PTPRZ1: variants seen among roughly 807,000 people sequenced by gnomAD.
PTPRZ1 encodes receptor-type tyrosine-protein phosphatase zeta.
Under a neutral mutation model 214.1 loss-of-function variants are expected in PTPRZ1, and 82 were observed. The observed-to-expected ratio is 0.38, with a 90% confidence interval of 0.32 to 0.46. The LOEUF is 0.46. Among genes scored for constraint, PTPRZ1 ranks in the 20% least tolerant of loss-of-function variants. PTPRZ1 has a pLI of 1.00. For missense variants in PTPRZ1, 2,603 were observed against 2,748.7 expected (o/e 0.95, Z 1.19); for synonymous variants, 945 against 987.9 (o/e 0.96, Z 0.81).
At chr7:121,988,579 C>G (rs1797841450) in intron 8 of PTPRZ1, among the ~76,000 whole-genome samples, 1 of 152,148 alleles carries the variant, frequency 6.6e-6, no homozygotes, top group Non-Finnish European at 1.5e-5. Context: ...TGTTTATGTG[C>G]ATGCCTTAGT....
chr7:122,030,998 A>C (rs1799351743), intron 14 of PTPRZ1, among the ~76,000 whole-genome samples: 1 of 152,022 alleles, frequency 6.6e-6, no homozygotes, highest in South Asian at 2.1e-4. Context: ...ATGTTTTCAA[A>C]TGTAAACATC....
intron 1 of PTPRZ1, 148 bp from the exon 2 acceptor site, chr7:121,928,008 G>A: frequency 1.6e-6 from 1 of 641,986 alleles, no homozygotes; most frequent in South Asian, 1.9e-5. Flanking sequence ...TAATATAATG[G>A]TGGTGGTTGA....
intron 2 of PTPRZ1, among the ~76,000 whole-genome samples, chr7:121,952,505 G>C (rs946045129): frequency 6.6e-6 from 1 of 152,050 alleles, no homozygotes; most frequent in African/African-American, 2.4e-5. Flanking sequence ...AGAATCACTT[G>C]AGCCCAGGAG....
intron 8 of PTPRZ1, among the ~76,000 whole-genome samples, chr7:121,990,249 C>T (rs560175752): frequency 6.1e-4 from 92 of 152,038 alleles, no homozygotes; most frequent in Middle Eastern, 6.8e-3. Context: ...TATAAATAAT[C>T]GCAAAAACCA....
At position 122,011,484 on chromosome 7, in the gene PTPRZ1, C is replaced by T. The variant is rs939966321; in HGVS notation, c.2438C>T (p.Ser813Phe). ...VDVSFESILSSYDGAPLLPFS... is the reference protein window; with the variant it reads ...VDVSFESILSFYDGAPLLPFS... Reference sequence around the variant, plus strand: ...GTGTCATTTGAATCCATCCTGTCTTCCTATGATGGTGCACCTTTGCTTCCA... The same window carrying T: ...GTGTCATTTGAATCCATCCTGTCTTTCTATGATGGTGCACCTTTGCTTCCA... Residue 813 changes from serine (S) to phenylalanine (F), a missense_variant, in exon 12 of 30, where the codon TCC becomes TTC. Ser to Phe is a radical substitution (Grantham distance 155). Around this residue, in one of 6 missense-constraint regions of PTPRZ1, gnomAD observed 1,913 missense variants for 1,914.3 expected, o/e 1.00. Transcript: ENST00000393386. The T allele has an allele frequency of 6.2e-7, 1 of 1,613,926 alleles. No homozygotes were observed. The highest frequency in any genetic ancestry group is 2.2e-5 in the East Asian group (1 of 44,870).
intron 1 of PTPRZ1, among the ~76,000 whole-genome samples, chr7:121,896,601 G>C (rs370163569): frequency 6.6e-6 from 1 of 151,838 alleles, no homozygotes; most frequent in Non-Finnish European, 1.5e-5. Context: ...GTGAAACCCC[G>C]CCTCTACTAA....
intron 1 of PTPRZ1, among the ~76,000 whole-genome samples, chr7:121,927,277 A>G (rs1356781321): frequency 6.6e-6 from 1 of 152,230 alleles, no homozygotes; most frequent in Non-Finnish European, 1.5e-5. Flanking sequence ...CTATCCTGCA[A>G]AGATTTATTT....
chr7:122,007,622 C>A (rs182430155), intron 11 of PTPRZ1, among the ~76,000 whole-genome samples: 1 of 152,166 alleles, frequency 6.6e-6, no homozygotes, highest in East Asian at 1.9e-4. Flanking sequence ...TTCATAATGA[C>A]TTTTAATCCC....
In PTPRZ1 at chr7:121,874,795, C is replaced by CT. The variant is rs552385010; in HGVS notation, c.58+1239dup. 9.9e-5 allele frequency among the ~76,000 whole-genome samples: 15 copies of CT among 152,264 alleles called. No homozygotes were observed. The South Asian group carries it at 3.1e-3, about 32-fold the overall frequency. On this transcript the variant is annotated intron_variant, in intron 1 of 29. Transcript: ENST00000393386. ...ACACATAAGACATGCAAGGGAATCT[C>CT]TGGTCTCCATTGATTCTAAAACCTT...
At chr7:121,962,574 A>AT (rs200388655) in intron 2 of PTPRZ1, among the ~76,000 whole-genome samples, 124 of 148,238 alleles carry the variant, frequency 8.4e-4, no homozygotes, top group African/African-American at 2.7e-3. Context: ...CCTGTGCACA[A>AT]TTTTTTTTTT....
intron 19 of PTPRZ1, among the ~76,000 whole-genome samples, 158 bp downstream of exon 19, chr7:122,039,047 G>T (rs942869201): frequency 7.2e-5 from 11 of 152,194 alleles, no homozygotes; most frequent in Admixed American, 7.2e-4. Flanking sequence ...TGTTAATACT[G>T]TTAGTCAAAA....
chr7:122,017,546 T>TATTTATTC (rs902786577), intron 12 of PTPRZ1, among the ~76,000 whole-genome samples: 1 of 146,064 alleles, frequency 6.8e-6, no homozygotes, highest in African/African-American at 2.6e-5. Flanking sequence ...TACATTTATT[T>TATTTATTC]ATTTATTTAT....
At position 121,911,439 on chromosome 7, in the gene PTPRZ1, T is replaced by G. The variant is rs182413349; in HGVS notation, c.59-16717T>G. Among the ~76,000 whole-genome samples the G allele has an allele frequency of 7.9e-5, 12 of 152,256 alleles. No individual in the cohort carries two copies. In the East Asian group the frequency reaches 2.3e-3, roughly 29 times the overall value. On this transcript the variant is annotated intron_variant, in intron 1 of 29. Transcript: ENST00000393386. ...TTTTGTGAAATAAAGTCCTTTTTTC[T>G]TGTCTCAGTAGTCATAACTAGTTAC...
rs151100277 is a variant in PTPRZ1 at position 121,996,509 on chromosome 7, G to A, written c.1056G>A (p.Gln352=). The part of the protein sequence containing the change: ...MIEKFAVLYQ[Q]LDGEDQTKHE... ...AGAAGTTTGCAGTTTTGTACCAGCA[G>A]TTGGATGGAGAGGACCAAACCAAGC... Residue 352 remains glutamine (Q), a synonymous_variant, in exon 9 of 30, where the codon CAG becomes CAA. Coordinates refer to ENST00000393386, the MANE Select transcript of PTPRZ1 (RefSeq NM_002851.3). 42 of 1,609,552 alleles carry A rather than the reference G, an allele frequency of 2.6e-5. No individual in the cohort carries two copies. The African/African-American group carries it at 3.9e-4, about 15-fold the overall frequency.
Position 122,011,463 on chromosome 7 carries a change from C to T in PTPRZ1, c.2417C>T (p.Ser806Leu). Residue 806 changes from serine (S) to leucine (L), a missense_variant, in exon 12 of 30, where the codon TCA (serine) becomes TTA (leucine). Coordinates refer to ENST00000393386, the MANE Select transcript of PTPRZ1 (RefSeq NM_002851.3). Reference sequence around the variant, plus strand: ...CCTGTATTTCCCAGTGTCGATGTGTCATTTGAATCCATCCTGTCTTCCTAT... The same window carrying T: ...CCTGTATTTCCCAGTGTCGATGTGTTATTTGAATCCATCCTGTCTTCCTAT... ...ATPVFPSVDV[S>L]FESILSSYDG... 1 of 1,614,090 alleles carries T rather than the reference C, an allele frequency of 6.2e-7. No homozygotes were observed. Among genetic ancestry groups the T allele is most frequent in the African/African-American group, 1.3e-5 (1 of 75,048 alleles).
intron 3 of PTPRZ1, among the ~76,000 whole-genome samples, chr7:121,971,315 A>G (rs1238918407): frequency 6.6e-6 from 1 of 152,218 alleles, no homozygotes; most frequent in African/African-American, 2.4e-5. Flanking sequence ...AATGGGAAGG[A>G]GGTATTTCAA....
chr7:121,888,535 C>A (rs996895708), intron 1 of PTPRZ1, among the ~76,000 whole-genome samples: 1 of 152,072 alleles, frequency 6.6e-6, no homozygotes, highest in African/African-American at 2.4e-5. Context: ...TCAGAAAACA[C>A]TTATCCCTGT....
chr7:121,964,517 A>C (rs1796982585), intron 2 of PTPRZ1, among the ~76,000 whole-genome samples: 2 of 152,110 alleles, frequency 1.3e-5, no homozygotes, highest in Admixed American at 1.3e-4. Context: ...CTCCCATGAC[A>C]TGTGGGGATT....
intron 2 of PTPRZ1, among the ~76,000 whole-genome samples, chr7:121,940,063 G>T (rs1385625385): frequency 6.6e-6 from 1 of 152,100 alleles, no homozygotes; most frequent in Non-Finnish European, 1.5e-5. Context: ...CCTGCTTTTG[G>T]ACAGAAAATT....
Sources: gnomAD v4.1 joint callset for allele counts (sites outside exome capture counted in the v4.1 genomes callset) on GRCh38, gnomAD v4.1.1 for gene constraint, gnomAD v4.1.1 regional missense constraint, MANE v1.5 for transcripts, NCBI Gene and HGNC (gene_info 2026-07-23, HGNC 2026-07-21) for gene names.